The following BANK1 variants were observed in gnomAD, a reference collection of about 807,000 sequenced individuals.
BANK1 encodes B cell scaffold protein with ankyrin repeats 1.
A neutral mutation model predicts 94.5 loss-of-function variants in BANK1; 95 were observed. The ratio of observed to expected loss-of-function variants is 1.00; its 90% CI spans 0.85 to 1.19. The LOEUF is 1.19. BANK1 is among the 50% of genes most tolerant of loss of function. The probability of loss-of-function intolerance (pLI) is 0.00; values close to 1 mark genes in which losing one functional copy is unlikely to be tolerated. For synonymous variants in BANK1, 334 were observed against 308.4 expected, an observed-to-expected ratio of 1.08 and a Z score of -0.87; for missense variants, 987 against 932.2, an observed-to-expected ratio of 1.06 and a Z score of -0.77.
At chr4:101,810,993 A>G (rs1057109307) in intron 1 of BANK1, among the ~76,000 whole-genome samples, 1 of 152,144 alleles carries the variant, frequency 6.6e-6, no homozygotes, top group African/African-American at 2.4e-5. Context: ...TTTTATCTCT[A>G]CGAATGAGGG....
intron 7 of BANK1, among the ~76,000 whole-genome samples, chr4:101,945,310 C>G (rs536307189): frequency 6.1e-4 from 92 of 151,986 alleles, no homozygotes; most frequent in African/African-American, 2.0e-3. Context: ...TATCATTGCT[C>G]AGGTTATTAC....
At chr4:101,821,262 T>A (rs1726135379) in intron 1 of BANK1, among the ~76,000 whole-genome samples, 2 of 152,250 alleles carry the variant, frequency 1.3e-5, no homozygotes, top group South Asian at 4.1e-4. Context: ...TTGAAAAGTG[T>A]CTATTCATGT....
intron 5 of BANK1, among the ~76,000 whole-genome samples, chr4:101,890,946 A>G (rs1721845911): frequency 1.3e-5 from 2 of 151,884 alleles, no homozygotes; most frequent in Non-Finnish European, 2.9e-5. Flanking sequence ...CCCATCCCCC[A>G]TTTATAATAT....
rs117742500 is a variant in BANK1, at chr4:101,880,599, C to T, written c.903+9955C>T. Among the ~76,000 whole-genome samples the T allele has an allele frequency of 5.8e-3, 876 of 151,970 alleles. 13 individuals carry two copies. Among genetic ancestry groups the T allele is most frequent in the East Asian group, 0.057 (296 of 5,178 alleles). ...CTATCCTAAAGTTTATATGAAACCACGAAAGACTCAGAATAGCCAAAGCAA... is the reference window on the plus strand; with the variant it reads ...CTATCCTAAAGTTTATATGAAACCATGAAAGACTCAGAATAGCCAAAGCAA... On this transcript the variant is annotated intron_variant, in intron 5 of 16. Transcript: ENST00000322953.
chr4:101,950,056 TGTGTGCGCGTGC>T (rs1416822378), intron 7 of BANK1, among the ~76,000 whole-genome samples: 1 of 69,090 alleles, frequency 1.4e-5, no homozygotes, highest in East Asian at 3.2e-4. Context: ...TGTGTGTGTG[TGTGTGCGCGTGC>T]GCGCGCATGT....
chr4:101,969,498 T>A lies in BANK1; in HGVS notation c.1206+51309T>A, dbSNP rs534063282. Among the ~76,000 whole-genome samples the A allele has an allele frequency of 8.5e-5, 13 of 152,252 alleles. No homozygotes were observed. In the East Asian group the frequency reaches 2.5e-3, roughly 29 times the overall value. Reference sequence around the variant, plus strand: ...ATGTTACATAAACTAAGAAAAATTTTGGTTAGTTATTAAAAGTTTTGGTAA... The same window carrying A: ...ATGTTACATAAACTAAGAAAAATTTAGGTTAGTTATTAAAAGTTTTGGTAA... On this transcript the variant is annotated intron_variant, in intron 7 of 16. Coordinates refer to ENST00000322953, the MANE Select transcript of BANK1 (RefSeq NM_017935.5).
intron 7 of BANK1, among the ~76,000 whole-genome samples, chr4:101,961,877 T>A (rs1724581685): frequency 6.6e-6 from 1 of 152,184 alleles, no homozygotes; most frequent in African/African-American, 2.4e-5. Context: ...CTAAGTGTTA[T>A]ATTGAAGTGT....
Position 101,821,935 on chromosome 4 carries a change from G to A in BANK1, c.71-7873G>A, listed in dbSNP as rs181277871. The stretch of plus-strand genomic sequence containing the variant: ...TATTCTGATGGTGCTTTCAATCAAG[G>A]TAGGCATGGGAGCCTAGGTGATGTA... On this transcript the variant is annotated intron_variant, in intron 1 of 16. Transcript: ENST00000322953. Among the ~76,000 whole-genome samples, 251 of 152,266 alleles carry A rather than the reference G, an allele frequency of 1.6e-3. 1 individual carries two copies. Among genetic ancestry groups the A allele is most frequent in the African/African-American group, 5.7e-3 (238 of 41,548 alleles).
chr4:101,801,603 T>A (rs1187675102), intron 1 of BANK1, among the ~76,000 whole-genome samples: 1 of 152,254 alleles, frequency 6.6e-6, no homozygotes, highest in East Asian at 1.9e-4. Flanking sequence ...ACAAGGCATT[T>A]TCATAGTGAT....
chr4:101,975,756 G>T (rs1395654957), intron 7 of BANK1, among the ~76,000 whole-genome samples: 1 of 152,068 alleles, frequency 6.6e-6, no homozygotes, highest in Non-Finnish European at 1.5e-5. Flanking sequence ...TGCTGTTTCT[G>T]CTCTTTATCC....
At chr4:102,061,121 A>G (rs1728405378) in intron 12 of BANK1, among the ~76,000 whole-genome samples, 1 of 152,236 alleles carries the variant, frequency 6.6e-6, no homozygotes, top group African/African-American at 2.4e-5. Context: ...GTTTGATTAA[A>G]CACATTTAAT....
At chr4:102,072,876 A>C (rs924333564) in intron 15 of BANK1, among the ~76,000 whole-genome samples, 2 of 152,168 alleles carry the variant, frequency 1.3e-5, no homozygotes, top group African/African-American at 4.8e-5. Context: ...AAGCAAAGAC[A>C]ACAGCAATGG....
At chr4:101,856,126 C>T (rs920623994) in intron 3 of BANK1, among the ~76,000 whole-genome samples, 1 of 152,096 alleles carries the variant, frequency 6.6e-6, no homozygotes, top group Non-Finnish European at 1.5e-5. Flanking sequence ...GTCTCCTGAT[C>T]CTACTGGTAC....
chr4:101,831,621 C>T (rs891579962), intron 2 of BANK1, among the ~76,000 whole-genome samples: 20 of 152,046 alleles, frequency 1.3e-4, no homozygotes, highest in Admixed American at 9.2e-4. Flanking sequence ...ATTACAGACA[C>T]GCACCACCAT....
At chr4:102,007,346 A>G (rs1160422932) in intron 7 of BANK1, among the ~76,000 whole-genome samples, 1 of 150,734 alleles carries the variant, frequency 6.6e-6, no homozygotes, top group Non-Finnish European at 1.5e-5. Flanking sequence ...GTGCTAGAGG[A>G]GTTATACTGA....
chr4:101,854,978 G>A, intron 2 of BANK1, 57 bp from the exon 3 acceptor site: 1 of 1,360,510 alleles, frequency 7.4e-7, no homozygotes, highest in East Asian at 2.3e-5. Flanking sequence ...TATAGCAATG[G>A]AGGAAATACT....
chr4:101,826,419 G>C (rs1364888769), intron 1 of BANK1, among the ~76,000 whole-genome samples: 1 of 152,070 alleles, frequency 6.6e-6, no homozygotes, highest in East Asian at 1.9e-4. Context: ...GTGTAATTGT[G>C]AGAATTAAAT....
intron 9 of BANK1, among the ~76,000 whole-genome samples, chr4:102,025,980 T>A (rs1193652248): frequency 1.3e-5 from 2 of 152,194 alleles, no homozygotes; most frequent in East Asian, 3.8e-4. Context: ...TCAGATGAAC[T>A]TGGGTACTTT....
intron 5 of BANK1, among the ~76,000 whole-genome samples, chr4:101,882,097 G>T (rs956079309): frequency 2.0e-5 from 3 of 152,078 alleles, no homozygotes; most frequent in African/African-American, 7.2e-5. Flanking sequence ...GTAACACAAA[G>T]GATAAATGCT....
Sources: gnomAD v4.1 joint callset for allele counts (sites outside exome capture counted in the v4.1 genomes callset) on GRCh38, gnomAD v4.1.1 for gene constraint, MANE v1.5 for transcripts, NCBI Gene and HGNC (gene_info 2026-07-23, HGNC 2026-07-21) for gene names.